CAMK2D: variants seen among roughly 807,000 people sequenced by gnomAD.
The protein encoded by CAMK2D is calcium/calmodulin dependent protein kinase II delta, also known as calcium/calmodulin-dependent protein kinase type II subunit delta.
In CAMK2D, 37 loss-of-function variants were observed where a neutral mutation model predicts 84.0. The observed-to-expected ratio is 0.44, with a 90% CI of 0.34 to 0.58. CAMK2D has a LOEUF of 0.58. Among genes scored for constraint, CAMK2D ranks in the 20% least tolerant of loss-of-function variants. The probability of loss-of-function intolerance (pLI) is 0.02; values close to 1 mark genes in which losing one functional copy is unlikely to be tolerated. For missense variants in CAMK2D, 448 were observed against 652.5 expected (o/e 0.69, Z 3.41); for synonymous variants, 202 against 212.5 (o/e 0.95, Z 0.43).
chr4:113,483,831 A>G (rs2097732585), intron 16 of CAMK2D, among the ~76,000 whole-genome samples: 1 of 152,218 alleles, frequency 6.6e-6, no homozygotes, highest in South Asian at 2.1e-4. Flanking sequence ...TCAAAATCAG[A>G]AGCAGAAATA....
chr4:113,584,317 G>A (rs1457870261), intron 4 of CAMK2D, among the ~76,000 whole-genome samples: 1 of 152,190 alleles, frequency 6.6e-6, no homozygotes, highest in Non-Finnish European at 1.5e-5. Flanking sequence ...GGATAATTAA[G>A]TGAGTCCAAA....
chr4:113,712,469 T>C (rs1244879944), intron 2 of CAMK2D, among the ~76,000 whole-genome samples: 2 of 152,140 alleles, frequency 1.3e-5, no homozygotes, highest in East Asian at 3.8e-4. Flanking sequence ...GAACTGTTCC[T>C]GGCCCAATTA....
At chr4:113,679,770 A>C (rs2099334900) in intron 2 of CAMK2D, among the ~76,000 whole-genome samples, 2 of 152,194 alleles carry the variant, frequency 1.3e-5, no homozygotes, top group South Asian at 2.1e-4. Flanking sequence ...TCAACTTCAT[A>C]GTAGGTGTCA....
intron 4 of CAMK2D, among the ~76,000 whole-genome samples, chr4:113,605,992 C>T (rs1323023289): frequency 6.6e-6 from 1 of 151,908 alleles, no homozygotes; most frequent in Non-Finnish European, 1.5e-5. Context: ...GCAGCAACAC[C>T]AAGATAACAA....
At chr4:113,755,153 CA>C in intron 2 of CAMK2D, 3 of 535,632 alleles carry the variant, frequency 5.6e-6, no homozygotes, top group Non-Finnish European at 7.1e-6. Context: ...TTTACAACAT[CA>C]AAAAAGGTTA....
At chr4:113,627,269 T>C (rs1436266121) in intron 3 of CAMK2D, among the ~76,000 whole-genome samples, 1 of 152,194 alleles carries the variant, frequency 6.6e-6, no homozygotes, top group Non-Finnish European at 1.5e-5. Flanking sequence ...TCAATTTATA[T>C]CATTTTTCCA....
intron 2 of CAMK2D, among the ~76,000 whole-genome samples, chr4:113,724,643 T>G (rs1486893894): frequency 6.6e-6 from 1 of 151,936 alleles, no homozygotes; most frequent in Non-Finnish European, 1.5e-5. Flanking sequence ...TTGTTTGAAA[T>G]AAGCGGCTTT....
intron 4 of CAMK2D, among the ~76,000 whole-genome samples, chr4:113,592,548 A>T (rs1380233021): frequency 6.6e-6 from 1 of 152,232 alleles, no homozygotes; most frequent in Non-Finnish European, 1.5e-5. Flanking sequence ...GTGCTTTCAA[A>T]ATCTAGTTAA....
chr4:113,605,815 G>A (rs2098974630), intron 4 of CAMK2D, among the ~76,000 whole-genome samples: 1 of 152,144 alleles, frequency 6.6e-6, no homozygotes, highest in Non-Finnish European at 1.5e-5. Flanking sequence ...TCAGTAATAA[G>A]ATGGCACCTG....
intron 4 of CAMK2D, among the ~76,000 whole-genome samples, chr4:113,562,031 C>G (rs114768421): frequency 6.6e-6 from 1 of 152,068 alleles, no homozygotes. Flanking sequence ...TAAAGAAAAG[C>G]CTGATTTGCT....
rs1592784599 is a variant in CAMK2D, at chr4:113,670,911, G to C, written c.161-9139C>G. 2.6e-5 allele frequency among the ~76,000 whole-genome samples: 4 copies of C among 152,012 alleles called. No homozygotes were observed. The East Asian group carries it at 7.7e-4, about 29-fold the overall frequency. On this transcript the variant is annotated intron_variant, in intron 2 of 20. Transcript: ENST00000511664. Reference sequence around the variant, plus strand: ...CCACTGCACTCCAGCCTGGGCAACAGAGCGAGACTCCGTCTCAAAAAAAAA... The same window carrying C: ...CCACTGCACTCCAGCCTGGGCAACACAGCGAGACTCCGTCTCAAAAAAAAA...
chr4:113,508,681 A>C (rs1440164250), intron 13 of CAMK2D, among the ~76,000 whole-genome samples: 1 of 152,240 alleles, frequency 6.6e-6, no homozygotes. Flanking sequence ...TCACAAATGC[A>C]CAGTCATCAG....
chr4:113,669,801 T>G (rs578158814), intron 2 of CAMK2D, among the ~76,000 whole-genome samples: 101 of 151,546 alleles, frequency 6.7e-4, no homozygotes, highest in Middle Eastern at 6.9e-3. Flanking sequence ...AAGAGGAGAG[T>G]GGTATGCAGA....
intron 2 of CAMK2D, among the ~76,000 whole-genome samples, chr4:113,687,141 T>G (rs1593031434): frequency 6.6e-6 from 1 of 152,260 alleles, no homozygotes; most frequent in Non-Finnish European, 1.5e-5. Context: ...GTATGGAAAA[T>G]TATTAACCTT....
chr4:113,701,255 T>A lies in CAMK2D; in HGVS notation c.161-39483A>T, dbSNP rs539381811. On this transcript the variant is annotated intron_variant, in intron 2 of 20. Transcript: ENST00000511664. ...CACTGTGGGCTATTCAGGTCATTAATCTCATTCACCTCCAAAAGAATTTTT... is the reference window on the plus strand; with the variant it reads ...CACTGTGGGCTATTCAGGTCATTAAACTCATTCACCTCCAAAAGAATTTTT... Among the ~76,000 whole-genome samples, 5 of 152,318 alleles carry A rather than the reference T, an allele frequency of 3.3e-5. No homozygotes were observed. In the South Asian group the frequency reaches 1.0e-3, roughly 32 times the overall value.
intron 15 of CAMK2D, 23 bp downstream of exon 15, chr4:113,502,913 T>C: frequency 3.2e-6 from 5 of 1,544,390 alleles, no homozygotes; most frequent in South Asian, 2.2e-5. Context: ...TAAAGCAAGA[T>C]GATGTTGATT....
chr4:113,560,196 A>G (rs980386533), intron 4 of CAMK2D, among the ~76,000 whole-genome samples: 2 of 151,174 alleles, frequency 1.3e-5, no homozygotes, highest in African/African-American at 4.9e-5. Flanking sequence ...TCCCCTACCA[A>G]GTTCTCCAGT....
intron 2 of CAMK2D, among the ~76,000 whole-genome samples, chr4:113,726,397 T>TC (rs2099546102): frequency 6.8e-6 from 1 of 146,816 alleles, no homozygotes; most frequent in African/African-American, 2.5e-5. Flanking sequence ...TTTTTTTTTT[T>TC]TGAGTTGGGG....
intron 3 of CAMK2D, among the ~76,000 whole-genome samples, chr4:113,620,248 C>T (rs2099039933): frequency 1.3e-5 from 2 of 152,044 alleles, no homozygotes; most frequent in African/African-American, 4.8e-5. Flanking sequence ...CAGCCAACAC[C>T]TCCAGGTGCT....
Sources: gnomAD v4.1 joint callset for allele counts (sites outside exome capture counted in the v4.1 genomes callset) on GRCh38, gnomAD v4.1.1 for gene constraint, MANE v1.5 for transcripts, NCBI Gene and HGNC (gene_info 2026-07-23, HGNC 2026-07-21) for gene names.